RALGPS1: variants seen among roughly 807,000 people sequenced by gnomAD.
RALGPS1 encodes ras-specific guanine nucleotide-releasing factor RalGPS1.
In RALGPS1, 19 loss-of-function variants were observed where a neutral mutation model predicts 78.8. That is an observed-to-expected ratio of 0.24 (90% CI 0.17 to 0.35). RALGPS1 has a LOEUF of 0.35. Among genes scored for constraint, RALGPS1 ranks in the 10% least tolerant of loss-of-function variants. The pLI is 1.00. For missense variants in RALGPS1, 454 were observed against 688.3 expected, an observed-to-expected ratio of 0.66 and a Z score of 3.81; for synonymous variants, 228 against 256.3, an observed-to-expected ratio of 0.89 and a Z score of 1.06.
chr9:127,057,732 T>A (rs753819847), intron 7 of RALGPS1, among the ~76,000 whole-genome samples: 1 of 152,222 alleles, frequency 6.6e-6, no homozygotes. Context: ...GTGGCTGTTA[T>A]TCATTCTGCA....
chr9:126,994,104 ACT>A (rs2042516095), intron 4 of RALGPS1, among the ~76,000 whole-genome samples: 1 of 152,170 alleles, frequency 6.6e-6, no homozygotes, highest in Non-Finnish European at 1.5e-5. Context: ...AAAACTGGAA[ACT>A]CTAAAAATCA....
At chr9:127,078,563 T>C (rs2050887282) in intron 8 of RALGPS1, among the ~76,000 whole-genome samples, 1 of 152,136 alleles carries the variant, frequency 6.6e-6, no homozygotes, top group African/African-American at 2.4e-5. Context: ...GGAAAACATG[T>C]GGGGGCCAAG....
chr9:127,136,937 C>A (rs1271784102), intron 8 of RALGPS1, among the ~76,000 whole-genome samples: 1 of 152,134 alleles, frequency 6.6e-6, no homozygotes, highest in African/African-American at 2.4e-5. Context: ...GACATGGGAA[C>A]CGGTAGACTC....
intron 8 of RALGPS1, chr9:127,088,676 A>G (rs1464203277): frequency 1.9e-6 from 1 of 515,786 alleles, no homozygotes; most frequent in Non-Finnish European, 3.5e-6. Context: ...GACTTAATTT[A>G]TTTAAAGAAA....
intron 1 of RALGPS1, among the ~76,000 whole-genome samples, chr9:126,921,453 G>C (rs761653884): frequency 2.6e-5 from 4 of 152,242 alleles, no homozygotes; most frequent in African/African-American, 4.8e-5. Flanking sequence ...TCCCCAAGGA[G>C]AGGCATGAGT....
At chr9:127,022,197 G>T (rs1391990769) in intron 4 of RALGPS1, among the ~76,000 whole-genome samples, 3 of 152,118 alleles carry the variant, frequency 2.0e-5, no homozygotes, top group Non-Finnish European at 2.9e-5. Context: ...GTCTAGCCAG[G>T]GGTTCTGGGG....
chr9:127,203,588 G>C (rs1057236495), intron 14 of RALGPS1, among the ~76,000 whole-genome samples: 2 of 152,072 alleles, frequency 1.3e-5, no homozygotes, highest in African/African-American at 4.8e-5. Flanking sequence ...GCTGGGGCAG[G>C]GTTGGGGGGC....
intron 1 of RALGPS1, among the ~76,000 whole-genome samples, chr9:126,936,017 G>A (rs1186807187): frequency 1.3e-5 from 2 of 152,188 alleles, no homozygotes; most frequent in African/African-American, 4.8e-5. Context: ...GCCTCCCCCC[G>A]TTGTCACCAC....
intron 8 of RALGPS1, among the ~76,000 whole-genome samples, chr9:127,147,724 C>T (rs537332399): frequency 2.0e-5 from 3 of 152,192 alleles, no homozygotes; most frequent in East Asian, 1.9e-4. Context: ...TCTATTCCCT[C>T]GATACATATT....
intron 4 of RALGPS1, among the ~76,000 whole-genome samples, chr9:126,980,425 T>C (rs2041134653): frequency 6.6e-6 from 1 of 152,198 alleles, no homozygotes. Context: ...AAATTACAAA[T>C]GCCTAGGCTT....
At chr9:126,984,169 G>T (rs911573176) in intron 4 of RALGPS1, among the ~76,000 whole-genome samples, 20 of 152,080 alleles carry the variant, frequency 1.3e-4, no homozygotes, top group African/African-American at 4.8e-4. Flanking sequence ...CAGTGGTGTG[G>T]TCATAGCTCA....
chr9:127,193,158 C>T (rs968150588), intron 11 of RALGPS1, among the ~76,000 whole-genome samples: 10 of 151,932 alleles, frequency 6.6e-5, no homozygotes, highest in African/African-American at 1.2e-4. Flanking sequence ...TCAGAGGAGA[C>T]GGGTAGGACC....
In RALGPS1 at chr9:127,212,111, G is replaced by A; in HGVS notation, c.1248-20G>A. On this transcript the variant is annotated intron_variant, in intron 14 of 18. Coordinates refer to ENST00000259351, the MANE Select transcript of RALGPS1 (RefSeq NM_014636.3). This position sits in a 1 kb window ranked among gnomAD's most constrained non-coding sequence, Gnocchi z 6.0. ...CCTCAGCTCCTCCAGGGCGATGTCTGACTGGTAGTCTCTCCTCAGCCCCAC... is the reference window on the plus strand; with the variant it reads ...CCTCAGCTCCTCCAGGGCGATGTCTAACTGGTAGTCTCTCCTCAGCCCCAC... 2 of 1,596,484 alleles carry A rather than the reference G, an allele frequency of 1.3e-6. No individual in the cohort carries two copies. The highest frequency in any genetic ancestry group is 2.2e-5 in the East Asian group (1 of 44,758).
intron 1 of RALGPS1, among the ~76,000 whole-genome samples, chr9:126,940,687 G>A (rs1025594563): frequency 6.6e-6 from 1 of 152,010 alleles, no homozygotes; most frequent in African/African-American, 2.4e-5. Flanking sequence ...GTGATCCGTC[G>A]AACAGGTATA....
At chr9:126,915,523 C>G (rs944533503) in intron 1 of RALGPS1, 3 of 152,068 alleles carry the variant, frequency 2.0e-5, no homozygotes, top group Non-Finnish European at 4.4e-5. Context: ...GGAAAGGCCG[C>G]CCTCTCCGCT....
At chr9:127,052,704 G>A (rs2048396336) in intron 6 of RALGPS1, 143 bp from the exon 7 acceptor site, 4 of 625,930 alleles carry the variant, frequency 6.4e-6, no homozygotes, top group Non-Finnish European at 1.1e-5. Context: ...TGGTTTCTAT[G>A]AAATCCTTAG....
intron 8 of RALGPS1, among the ~76,000 whole-genome samples, chr9:127,120,961 T>C (rs745875231): frequency 7.2e-5 from 11 of 152,190 alleles, no homozygotes; most frequent in Non-Finnish European, 1.3e-4. Flanking sequence ...AGCCAAGGCC[T>C]TCCTAGGCAT....
intron 1 of RALGPS1, among the ~76,000 whole-genome samples, chr9:126,922,221 A>G (rs1276643396): frequency 6.6e-6 from 1 of 152,210 alleles, no homozygotes; most frequent in South Asian, 2.1e-4. Flanking sequence ...TAAACTGATA[A>G]TACAACATGA....
At chr9:127,003,542 A>G (rs1442967912) in intron 4 of RALGPS1, among the ~76,000 whole-genome samples, 1 of 152,236 alleles carries the variant, frequency 6.6e-6, no homozygotes, top group Non-Finnish European at 1.5e-5. Flanking sequence ...ATCGTTAAAA[A>G]GTCACAAACG....
Sources: gnomAD v4.1 joint callset for allele counts (sites outside exome capture counted in the v4.1 genomes callset) on GRCh38, gnomAD v4.1.1 for gene constraint, Gnocchi (gnomAD v3.1) non-coding constraint, MANE v1.5 for transcripts, NCBI Gene and HGNC (gene_info 2026-07-23, HGNC 2026-07-21) for gene names.